Variants in LIPC observed in about 807,000 individuals in gnomAD.
LIPC encodes lipase C, hepatic type.
Under a neutral mutation model 50.7 loss-of-function variants are expected in LIPC, and 44 were observed. The ratio of observed to expected loss-of-function variants is 0.87; its 90% CI spans 0.68 to 1.11. The LOEUF is 1.11. Ranked by LOEUF, LIPC falls within the 50% of genes most tolerant of loss-of-function variation. The pLI is 0.00. For synonymous variants in LIPC, 271 were observed against 256.4 expected (o/e 1.06, Z -0.54); for missense variants, 697 against 648.2 (o/e 1.08, Z -0.82).
Position 58,547,630 on chromosome 15 carries a change from G to GC in LIPC, c.809-700_809-699insC, listed in dbSNP as rs1893581482. On this transcript the variant is annotated intron_variant, in intron 5 of 8. Transcript: ENST00000299022. Reference sequence around the variant, plus strand: ...CACAGATTAGGTTAAAATTTGGAGAGTTAAAAAAAAAAAAAAAAGGTCAAA... The same window carrying GC: ...CACAGATTAGGTTAAAATTTGGAGAGCTTAAAAAAAAAAAAAAAAGGTCAAA... Among the ~76,000 whole-genome samples the GC allele has an allele frequency of 2.9e-5, 4 of 136,354 alleles. No individual in the cohort carries two copies. In the South Asian group the frequency reaches 1.0e-3, roughly 35 times the overall value. 89.5% of individuals were successfully genotyped at this position (136,354 alleles called of 152,430 possible). A position where few individuals can be genotyped will look rare whatever the true frequency, so the allele number is the denominator to read the frequency against.
At chr15:58,533,835 T>C (rs1270666799) in intron 1 of LIPC, among the ~76,000 whole-genome samples, 1 of 152,220 alleles carries the variant, frequency 6.6e-6, no homozygotes, top group Non-Finnish European at 1.5e-5. Context: ...ACTTTTCAAA[T>C]TATACTGAAA....
intron 1 of LIPC, among the ~76,000 whole-genome samples, chr15:58,475,113 C>T (rs1890946976): frequency 1.3e-5 from 2 of 152,192 alleles, no homozygotes; most frequent in Admixed American, 6.5e-5. Context: ...TCTCCTTCCC[C>T]CACCTCATGT....
Position 58,539,305 on chromosome 15 carries a change from T to A in LIPC, c.273+788T>A, listed in dbSNP as rs979142457. Among the ~76,000 whole-genome samples, 4 of 152,208 alleles carry A rather than the reference T, an allele frequency of 2.6e-5. No homozygotes were observed. In the East Asian group the frequency reaches 7.7e-4, roughly 29 times the overall value. On this transcript the variant is annotated intron_variant, in intron 2 of 8. Coordinates refer to ENST00000299022, the MANE Select transcript of LIPC (RefSeq NM_000236.3). Reference sequence around the variant, plus strand: ...GGTATAAAAGAGTGTTTTTTAGGTGTCCCAGAGCCTCTGTGAAATTCTCCC... The same window carrying A: ...GGTATAAAAGAGTGTTTTTTAGGTGACCCAGAGCCTCTGTGAAATTCTCCC...
intron 1 of LIPC, chr15:58,454,916 A>C (rs1447987603): frequency 6.6e-6 from 1 of 152,218 alleles, no homozygotes; most frequent in African/African-American, 2.4e-5. Context: ...ACATTATAGA[A>C]CTTACAATGA....
At chr15:58,534,896 G>C (rs2140898664) in intron 1 of LIPC, among the ~76,000 whole-genome samples, 1 of 152,274 alleles carries the variant, frequency 6.6e-6, no homozygotes, top group East Asian at 1.9e-4. Flanking sequence ...ACTACTTCAA[G>C]TTAAAAATGT....
intron 1 of LIPC, among the ~76,000 whole-genome samples, chr15:58,484,931 A>G (rs1287611044): frequency 6.6e-6 from 1 of 152,178 alleles, no homozygotes; most frequent in Admixed American, 6.5e-5. Context: ...AAGGAGTGCA[A>G]TGTGTTCCAG....
intron 6 of LIPC, among the ~76,000 whole-genome samples, chr15:58,552,476 A>AT (rs1893799448): frequency 6.7e-6 from 1 of 150,086 alleles, no homozygotes; most frequent in Admixed American, 6.6e-5. Flanking sequence ...CTCCTTCCAC[A>AT]CTCCCTCTTC....
chr15:58,459,401 CTT>C (rs3052238), intron 1 of LIPC, among the ~76,000 whole-genome samples: 1 of 145,812 alleles, frequency 6.9e-6, no homozygotes. Context: ...TTTTTTCTTT[CTT>C]TTTTTTTTTT....
intron 1 of LIPC, among the ~76,000 whole-genome samples, chr15:58,515,156 G>C (rs548148165): frequency 2.0e-5 from 3 of 152,170 alleles, no homozygotes; most frequent in Non-Finnish European, 2.9e-5. Flanking sequence ...TGATTACATT[G>C]GGCCCATTCA....
intron 1 of LIPC, among the ~76,000 whole-genome samples, chr15:58,528,002 C>T (rs1466507134): frequency 6.6e-6 from 1 of 152,080 alleles, no homozygotes; most frequent in Non-Finnish European, 1.5e-5. Flanking sequence ...ACTCCCCACC[C>T]ACGGTTTACT....
At chr15:58,502,098 G>C (rs564673984) in intron 1 of LIPC, among the ~76,000 whole-genome samples, 3 of 152,296 alleles carry the variant, frequency 2.0e-5, no homozygotes, top group African/African-American at 7.2e-5. Context: ...GGCAATGCCA[G>C]GGAGAGAGAG....
chr15:58,469,474 G>A (rs1894703821), intron 1 of LIPC, among the ~76,000 whole-genome samples: 1 of 152,286 alleles, frequency 6.6e-6, no homozygotes, highest in South Asian at 2.1e-4. Flanking sequence ...TGGGCTCAAA[G>A]CCATAGTGAT....
intron 1 of LIPC, among the ~76,000 whole-genome samples, chr15:58,481,673 C>T (rs1369602057): frequency 6.6e-6 from 1 of 152,156 alleles, no homozygotes; most frequent in East Asian, 1.9e-4. Context: ...GGCCTGGCAC[C>T]TGTAACCCCA....
intron 1 of LIPC, among the ~76,000 whole-genome samples, chr15:58,516,429 C>T (rs1892492077): frequency 1.3e-5 from 2 of 151,878 alleles, no homozygotes. Context: ...CTTCTGTCCC[C>T]TTTCTTGTCT....
At chr15:58,523,079 G>A (rs1429868291) in intron 1 of LIPC, 1 of 152,368 alleles carries the variant, frequency 6.6e-6, no homozygotes, top group Non-Finnish European at 1.5e-5. Context: ...CTTCCTAACT[G>A]AGGAGCCCCA....
intron 1 of LIPC, among the ~76,000 whole-genome samples, chr15:58,448,094 C>A (rs1267754920): frequency 6.6e-6 from 1 of 152,176 alleles, no homozygotes; most frequent in Non-Finnish European, 1.5e-5. Flanking sequence ...AAGCCCTTTG[C>A]AACAAGTTCC....
intron 1 of LIPC, chr15:58,521,191 T>C (rs1205316941): frequency 6.6e-6 from 1 of 152,254 alleles, no homozygotes; most frequent in Non-Finnish European, 1.5e-5. Context: ...CCCCCTGGTA[T>C]TGGCTCACCG....
intron 6 of LIPC, among the ~76,000 whole-genome samples, chr15:58,556,032 GGATGAGGACAGCAGGGGTAGAGGGAGCA>G (rs1303942241): frequency 6.6e-5 from 10 of 152,332 alleles, no homozygotes; most frequent in Middle Eastern, 3.4e-3. Flanking sequence ...AGGGCAGAGT[GGATGAGGACAGCAGGGGTAGAGGGAGCA>G]GATGGGCACT....
At chr15:58,496,191 G>A (rs909885520) in intron 1 of LIPC, among the ~76,000 whole-genome samples, 1 of 151,120 alleles carries the variant, frequency 6.6e-6, no homozygotes, top group Non-Finnish European at 1.5e-5. Context: ...TCTTTGCTTG[G>A]CACAGCTGGA....
Sources: allele counts gnomAD v4.1 joint callset (sites outside exome capture counted in the v4.1 genomes callset), GRCh38; gene constraint gnomAD v4.1.1; transcripts MANE v1.5; gene names NCBI Gene and HGNC (gene_info 2026-07-23, HGNC 2026-07-21).